SCN9A: variants seen among roughly 807,000 people sequenced by gnomAD.
The protein encoded by SCN9A is sodium voltage-gated channel alpha subunit 9, also known as sodium channel protein type 9 subunit alpha.
A neutral mutation model predicts 187.0 loss-of-function variants in SCN9A; 131 were observed. The observed-to-expected ratio is 0.70, with a 90% CI of 0.61 to 0.81. SCN9A has a LOEUF of 0.81. Ranked by LOEUF, SCN9A falls within the 30% of genes least tolerant of loss-of-function variation. The probability of loss-of-function intolerance (pLI) is 0.00; values close to 1 mark genes in which losing one functional copy is unlikely to be tolerated. For missense variants in SCN9A, 2,252 were observed against 2,396.6 expected, an observed-to-expected ratio of 0.94 and a Z score of 1.26; for synonymous variants, 809 against 808.6, an observed-to-expected ratio of 1.00 and a Z score of -0.01.
rs201430964 is a variant in SCN9A at position 166,272,786 on chromosome 2, G to A, written c.2964C>T (p.Leu988=). The A allele has an allele frequency of 2.7e-4, 405 of 1,526,820 alleles. No individual in the cohort carries two copies. The highest frequency in any genetic ancestry group is 1.2e-3 in the Admixed American group (56 of 45,696). 94.6% of individuals were successfully genotyped at this position (1,526,820 alleles called of 1,614,324 possible). ...TTTTAATTCTAGTCACTGCAATCTG[G>A]AGGTTGTTTGCATCAGGGTCTTCTT... The part of the protein sequence containing the change: ...AIEEDPDANN[L]QIAVTRIKKG... The change falls in exon 17 of 27, where the codon CTC becomes CTT. Residue 988 remains leucine (L), a synonymous_variant. Coordinates refer to ENST00000642356, the MANE Select transcript of SCN9A (RefSeq NM_001365536.1).
chr2:166,235,378 G>A (rs962509757), intron 20 of SCN9A, among the ~76,000 whole-genome samples: 5 of 152,036 alleles, frequency 3.3e-5, no homozygotes, highest in African/African-American at 1.2e-4. Context: ...CTGTACTGAA[G>A]AACACTGTTT....
At chr2:166,309,173 A>T (rs1393445481) in intron 2 of SCN9A, among the ~76,000 whole-genome samples, 2 of 152,102 alleles carry the variant, frequency 1.3e-5, no homozygotes, top group Admixed American at 6.5e-5. Context: ...TATCAGGGAG[A>T]CTTTATAAAC....
chr2:166,287,938 GTGTA>G (rs1172022052), intron 10 of SCN9A, among the ~76,000 whole-genome samples: 1 of 147,326 alleles, frequency 6.8e-6, no homozygotes, highest in African/African-American at 2.5e-5. Flanking sequence ...AATCCATTGT[GTGTA>G]TGTGTGTATA....
Position 166,199,141 on chromosome 2 carries a change from C to T in SCN9A, c.5498G>A (p.Gly1833Asp), listed in dbSNP as rs761434362. 3.1e-6 allele frequency: 5 copies of T among 1,614,170 alleles called. No homozygotes were observed. In the South Asian group the frequency reaches 3.3e-5, roughly 11 times the overall value. ...GATGTCAAGACAATGGATCCGGTCA[C>T]CACTAACCATGGGCAGATCCATGGC... ...LIAMDLPMVS[G>D]DRIHCLDILF... The change falls in exon 27 of 27, where the codon GGT becomes GAT. Residue 1833 changes from glycine to aspartate, a missense_variant. Around this residue, in one of 7 missense-constraint regions of SCN9A, gnomAD observed 345 missense variants for 344.6 expected, o/e 1.00. Transcript: ENST00000642356.
Position 166,368,687 on chromosome 2 carries a change from A to T in SCN9A, c.-51+7010T>A, listed in dbSNP as rs1310480090. Among the ~76,000 whole-genome samples the T allele has an allele frequency of 1.0e-3, 13 of 12,694 alleles. No individual in the cohort carries two copies. The African/African-American group carries it at 0.011, about 11-fold the overall frequency. The allele number at this position is 12,694 out of a possible 152,430, so 8.3% of individuals were successfully genotyped here. A position where few individuals can be genotyped will look rare whatever the true frequency, so the allele number is the denominator to read the frequency against. ...TGCAAATGTACCTTGAAACTTAATT[A>T]AAAAAAAAAAAAAAAAGAGGCTGGG... On this transcript the variant is annotated intron_variant, in intron 1 of 26. Transcript: ENST00000642356.
Position 166,278,281 on chromosome 2 carries a change from T to C in SCN9A, c.2376A>G (p.Val792=), listed in dbSNP as rs1341187861. The part of the protein sequence containing the change: ...VFTGIFAAEM[V]LKLIAMDPYE... ...ATGGATCCATGGCAATCAGTTTTAA[T>C]ACCATTTCAGCTGCAAAGATTCCAG... Residue 792 remains valine (V), a synonymous_variant, in exon 15 of 27, where the codon GTA becomes GTG. Coordinates refer to ENST00000642356, the MANE Select transcript of SCN9A (RefSeq NM_001365536.1). 3 of 1,609,146 alleles carry C rather than the reference T, an allele frequency of 1.9e-6. No homozygotes were observed. The South Asian group carries it at 3.3e-5, about 18-fold the overall frequency.
intron 1 of SCN9A, among the ~76,000 whole-genome samples, chr2:166,312,310 C>A (rs1698986438): frequency 6.6e-6 from 1 of 152,142 alleles, no homozygotes. Context: ...GCTTATCAAT[C>A]AGAAGCAACT....
chr2:166,319,349 CAA>C (rs397868358), intron 1 of SCN9A, among the ~76,000 whole-genome samples: 4 of 134,780 alleles, frequency 3.0e-5, no homozygotes, highest in Non-Finnish European at 4.7e-5. Flanking sequence ...TAAGGTAGAG[CAA>C]AAAAAAAAAA....
At chr2:166,367,659 AG>A (rs1333107775) in intron 1 of SCN9A, among the ~76,000 whole-genome samples, 1 of 152,132 alleles carries the variant, frequency 6.6e-6, no homozygotes, top group East Asian at 1.9e-4. Context: ...TTCCCATTTC[AG>A]TTTTTTAATG....
intron 12 of SCN9A, among the ~76,000 whole-genome samples, chr2:166,283,738 A>G (rs1697598616): frequency 6.6e-6 from 1 of 152,230 alleles, no homozygotes; most frequent in Non-Finnish European, 1.5e-5. Flanking sequence ...TTTCATTTAT[A>G]TGGAGGACCT....
intron 21 of SCN9A, among the ~76,000 whole-genome samples, chr2:166,230,618 A>C (rs553140743): frequency 1.8e-4 from 28 of 152,226 alleles, no homozygotes; most frequent in South Asian, 8.3e-4. Context: ...GAAATGTCTG[A>C]AATGTCACCT....
chr2:166,288,463 G>GTCGGTCTTTTT lies in SCN9A; in HGVS notation c.1287_1288insAAAAAGACCGA (p.Leu430LysfsTer43). On this transcript the variant is annotated frameshift_variant, in exon 10 of 27. Coordinates refer to ENST00000642356, the MANE Select transcript of SCN9A (RefSeq NM_001365536.1). LOFTEE classifies it high-confidence loss of function. ...TCAGCTTCTTCTTGCTCTTTTTTAAGACGGTCTAACATCTGTTGAAATTCT... is the reference window on the plus strand; with the variant it reads ...TCAGCTTCTTCTTGCTCTTTTTTAAGTCGGTCTTTTTACGGTCTAACATCTGTTGAAATTCT... The GTCGGTCTTTTT allele has an allele frequency of 6.2e-7, 1 of 1,610,586 alleles. No homozygotes were observed. The highest frequency in any genetic ancestry group is 2.2e-5 in the East Asian group (1 of 44,846).
rs144286138 is a variant in SCN9A, at chr2:166,218,877, TAAAC to T, written c.4398+7686_4398+7689del. Among the ~76,000 whole-genome samples the T allele has an allele frequency of 9.7e-3, 1,465 of 151,110 alleles. 28 individuals carry two copies. The highest frequency in any genetic ancestry group is 0.033 in the African/African-American group (1,360 of 41,216). Reference sequence around the variant, plus strand: ...GGAACTTAAATGAGTTTACAAGAAATAAACAACCCCATTAAAAAGTGGGCAAAGG... The same window carrying T: ...GGAACTTAAATGAGTTTACAAGAAATAACCCCATTAAAAAGTGGGCAAAGG... On this transcript the variant is annotated intron_variant, in intron 24 of 26. Coordinates refer to ENST00000642356, the MANE Select transcript of SCN9A (RefSeq NM_001365536.1).
At chr2:166,266,575 C>T (rs1574834133) in intron 17 of SCN9A, among the ~76,000 whole-genome samples, 8 of 137,400 alleles carry the variant, frequency 5.8e-5, no homozygotes, top group Admixed American at 1.4e-4. Flanking sequence ...AATGTTAGGA[C>T]TTTTTTTTTT....
chr2:166,362,175 T>G (rs1700301641), intron 1 of SCN9A, among the ~76,000 whole-genome samples: 4 of 151,992 alleles, frequency 2.6e-5, no homozygotes. Flanking sequence ...GTTTATTTAG[T>G]GGAAATTCAT....
At chr2:166,297,403 T>G (rs1698365458) in intron 7 of SCN9A, among the ~76,000 whole-genome samples, 1 of 151,878 alleles carries the variant, frequency 6.6e-6, no homozygotes. Context: ...ATATAGCATA[T>G]ACATACAATG....
chr2:166,357,518 C>T (rs577266682), intron 1 of SCN9A, among the ~76,000 whole-genome samples: 1 of 152,204 alleles, frequency 6.6e-6, no homozygotes, highest in South Asian at 2.1e-4. Context: ...CATTTTCATG[C>T]TAAATGACAC....
intron 7 of SCN9A, among the ~76,000 whole-genome samples, chr2:166,295,585 C>A (rs577789494): frequency 6.6e-6 from 1 of 152,214 alleles, no homozygotes; most frequent in African/African-American, 2.4e-5. Context: ...TAAAAAAATA[C>A]AGTATTATAA....
chr2:166,304,420 C>T, intron 5 of SCN9A, 91 bp from the exon 6 acceptor site: 1 of 1,094,576 alleles, frequency 9.1e-7, no homozygotes, highest in East Asian at 2.5e-5. Flanking sequence ...ACGTTTGGGG[C>T]TTCTATTTTA....
Sources: allele counts gnomAD v4.1 joint callset (sites outside exome capture counted in the v4.1 genomes callset), GRCh38; gene constraint gnomAD v4.1.1; regional missense constraint gnomAD v4.1.1; transcripts MANE v1.5; gene names NCBI Gene and HGNC (gene_info 2026-07-23, HGNC 2026-07-21).